Variants in FAM135A observed in about 807,000 individuals in gnomAD.
FAM135A encodes protein FAM135A.
FAM135A carries 79 observed loss-of-function variants against 146.8 expected under a neutral mutation model. That is an observed-to-expected ratio of 0.54 (90% confidence interval 0.45 to 0.65). The LOEUF (loss-of-function observed/expected upper bound fraction) is 0.65, where lower values mean the gene tolerates loss of function less well. FAM135A is among the 30% of genes least tolerant of loss of function. FAM135A has a pLI of 0.00. For missense variants in FAM135A, 1,623 were observed against 1,758.2 expected (o/e 0.92, Z 1.38); for synonymous variants, 562 against 603.6 (o/e 0.93, Z 1.01).
intron 12 of FAM135A, chr6:70,503,608 C>T (rs1029350804): frequency 1.3e-5 from 2 of 152,038 alleles, no homozygotes; most frequent in East Asian, 3.9e-4. Flanking sequence ...ATTACCATAC[C>T]CTTCCTAATA....
chr6:70,445,139 A>G (rs1250645891), intron 4 of FAM135A, among the ~76,000 whole-genome samples: 1 of 144,644 alleles, frequency 6.9e-6, no homozygotes, highest in African/African-American at 2.9e-5. Flanking sequence ...ATACATAAAC[A>G]GGGGTGGTAA....
intron 13 of FAM135A, 80 bp from the exon 14 acceptor site, chr6:70,523,887 A>G (rs1304704623): frequency 3.6e-6 from 5 of 1,393,480 alleles, no homozygotes; most frequent in African/African-American, 1.5e-5. Context: ...TGAGGAGGGA[A>G]GGGGAAAGGG....
intron 5 of FAM135A, among the ~76,000 whole-genome samples, chr6:70,464,338 A>T (rs1360506591): frequency 6.6e-6 from 1 of 152,226 alleles, no homozygotes; most frequent in Non-Finnish European, 1.5e-5. Context: ...AGGAAATAGG[A>T]TATTAAATTA....
intron 11 of FAM135A, among the ~76,000 whole-genome samples, chr6:70,500,614 A>G (rs559152413): frequency 4.6e-5 from 7 of 152,216 alleles, no homozygotes; most frequent in African/African-American, 1.7e-4. Context: ...ATCTTCATGG[A>G]TTTATCTACC....
chr6:70,435,680 C>T (rs1271829241), intron 4 of FAM135A, among the ~76,000 whole-genome samples: 4 of 152,106 alleles, frequency 2.6e-5, no homozygotes, highest in Admixed American at 1.3e-4. Context: ...TCACCATGCC[C>T]TGTAACACAG....
intron 20 of FAM135A, among the ~76,000 whole-genome samples, chr6:70,549,389 A>G (rs997726474): frequency 6.6e-6 from 1 of 152,152 alleles, no homozygotes; most frequent in Non-Finnish European, 1.5e-5. Context: ...AAAATAGTAT[A>G]AATACTATAA....
chr6:70,530,582 G>GA (rs1263702519), intron 16 of FAM135A, among the ~76,000 whole-genome samples: 2 of 152,120 alleles, frequency 1.3e-5, no homozygotes, highest in East Asian at 1.9e-4. Flanking sequence ...GAGGAATTCA[G>GA]AAAAAATGTG....
At chr6:70,488,814 C>T (rs752003044) in intron 10 of FAM135A, among the ~76,000 whole-genome samples, 40 of 151,978 alleles carry the variant, frequency 2.6e-4, no homozygotes, top group Non-Finnish European at 4.7e-4. Context: ...TTGAAAAATA[C>T]TTGTGTATAA....
chr6:70,533,024 C>G (rs893051476), intron 16 of FAM135A, 136 bp from the exon 17 acceptor site: 7 of 682,290 alleles, frequency 1.0e-5, no homozygotes, highest in South Asian at 6.9e-5. Context: ...ATTGAGAACT[C>G]TATTTCATTG....
chr6:70,527,084 A>T (rs760982535), intron 15 of FAM135A, among the ~76,000 whole-genome samples: 7 of 151,998 alleles, frequency 4.6e-5, no homozygotes, highest in African/African-American at 7.2e-5. Flanking sequence ...TTTCTCCTCC[A>T]TTAACTTCCA....
chr6:70,450,393 C>T (rs1459701590), intron 4 of FAM135A, among the ~76,000 whole-genome samples: 1 of 152,076 alleles, frequency 6.6e-6, no homozygotes, highest in Non-Finnish European at 1.5e-5. Flanking sequence ...AGTAGTTTTA[C>T]AGTTTCAGGT....
In FAM135A at chr6:70,428,371, T is replaced by C. The variant is rs200033818; in HGVS notation, c.29T>C (p.Phe10Ser). The change falls in exon 4 of 22, where the codon TTC becomes TCC. Residue 10 changes from phenylalanine to serine, a missense_variant. Phe to Ser is a radical substitution (Grantham distance 155). Transcript: ENST00000418814. MTEVQAMVEFSVELNKFYNV... is the reference protein window; with the variant it reads MTEVQAMVESSVELNKFYNV... ...ACTGAAGTTCAAGCAATGGTAGAAT[T>C]CTCTGTGGAGCTAAACAAGTTCTAC... 5.3e-5 allele frequency: 85 copies of C among 1,603,842 alleles called. No homozygotes were observed. The highest frequency in any genetic ancestry group is 7.2e-5 in the Non-Finnish European group (85 of 1,175,266).
intron 2 of FAM135A, among the ~76,000 whole-genome samples, chr6:70,424,990 G>T (rs1769722020): frequency 6.6e-6 from 1 of 151,640 alleles, no homozygotes; most frequent in Non-Finnish European, 1.5e-5. Context: ...TCTATATTAA[G>T]GAAAAGGCCA....
chr6:70,481,011 A>G lies in FAM135A; in HGVS notation c.653A>G (p.Lys218Arg). ...GTGGTCTTTGGTATTAACTACACAA[A>G]ACAGTTATCACCAGATGTAAGAACT... ...ESVVFGINYT[K>R]QLSPDGCSFI... Residue 218 changes from lysine to arginine, a missense_variant, in exon 9 of 22, where the codon AAA becomes AGA. Transcript: ENST00000418814. The G allele has an allele frequency of 8.1e-6, 13 of 1,606,318 alleles. No homozygotes were observed. Among genetic ancestry groups the G allele is most frequent in the Non-Finnish European group, 1.1e-5 (13 of 1,176,792 alleles).
chr6:70,437,598 A>G (rs1376090491), intron 4 of FAM135A, among the ~76,000 whole-genome samples: 1 of 152,094 alleles, frequency 6.6e-6, no homozygotes, highest in Non-Finnish European at 1.5e-5. Context: ...TTTTGTAACA[A>G]TAGGGAGATA....
In FAM135A at chr6:70,524,943, T is replaced by C. The variant is rs1363020409; in HGVS notation, c.1859T>C (p.Ile620Thr). Residue 620 changes from isoleucine to threonine, a missense_variant, in exon 15 of 22, where the codon ATC becomes ACC. Physicochemically the swap from Ile to Thr is moderately conservative, Grantham distance 89. Coordinates refer to ENST00000418814, the MANE Select transcript of FAM135A (RefSeq NM_001162529.3). ...TTGTCCATTTCAGGTAAACTTGATATCTCCCAGGACGATAGTGAAATTACA... is the reference window on the plus strand; with the variant it reads ...TTGTCCATTTCAGGTAAACTTGATACCTCCCAGGACGATAGTGAAATTACA... ...ANLSISGKLDISQDDSEITQM... is the reference protein window; with the variant it reads ...ANLSISGKLDTSQDDSEITQM... 2 of 1,611,044 alleles carry C rather than the reference T, an allele frequency of 1.2e-6. No homozygotes were observed. The highest frequency in any genetic ancestry group is 1.1e-5 in the South Asian group (1 of 90,330).
intron 11 of FAM135A, among the ~76,000 whole-genome samples, chr6:70,495,800 C>G (rs1474470837): frequency 6.6e-6 from 1 of 152,084 alleles, no homozygotes; most frequent in East Asian, 1.9e-4. Flanking sequence ...CCCTCACCCC[C>G]TGACAGGCCC....
At chr6:70,532,373 TTTTGAGTTAATTATTATTA>T (rs1030483853) in intron 16 of FAM135A, among the ~76,000 whole-genome samples, 32 of 151,916 alleles carry the variant, frequency 2.1e-4, no homozygotes, top group Middle Eastern at 3.4e-3. Flanking sequence ...TGTAGATGCC[TTTTGAGTTAATTATTATTA>T]AAATAAACTT....
intron 19 of FAM135A, 26 bp downstream of exon 19, chr6:70,536,437 A>G: frequency 6.5e-7 from 1 of 1,538,262 alleles, no homozygotes. Flanking sequence ...GTTCTGTATT[A>G]AAAATATGGA....
Sources: allele counts gnomAD v4.1 joint callset (sites outside exome capture counted in the v4.1 genomes callset), GRCh38; gene constraint gnomAD v4.1.1; transcripts MANE v1.5; gene names NCBI Gene and HGNC (gene_info 2026-07-23, HGNC 2026-07-21).